Variants in PLXDC2 observed in about 807,000 individuals in gnomAD.
The protein encoded by PLXDC2 is plexin domain-containing protein 2.
A neutral mutation model predicts 68.9 loss-of-function variants in PLXDC2; 40 were observed. That is an observed-to-expected ratio of 0.58 (90% confidence interval 0.45 to 0.76). PLXDC2 has a LOEUF of 0.76. PLXDC2 is among the 30% of genes least tolerant of loss of function. The probability of loss-of-function intolerance (pLI) is 0.00; values close to 1 mark genes in which losing one functional copy is unlikely to be tolerated. For missense variants in PLXDC2, 644 were observed against 661.9 expected, an observed-to-expected ratio of 0.97 and a Z score of 0.30; for synonymous variants, 243 against 234.2, an observed-to-expected ratio of 1.04 and a Z score of -0.34.
chr10:19,884,988 A>G (rs998283243), intron 1 of PLXDC2, among the ~76,000 whole-genome samples: 8 of 152,080 alleles, frequency 5.3e-5, no homozygotes, highest in African/African-American at 1.9e-4. Context: ...AAGTGTTCCT[A>G]TTTCTCCACA....
intron 1 of PLXDC2, among the ~76,000 whole-genome samples, chr10:19,880,967 T>C (rs1468327075): frequency 3.9e-5 from 6 of 152,228 alleles, no homozygotes; most frequent in Non-Finnish European, 5.9e-5. Context: ...AATGTTATTT[T>C]CCAATTATTA....
chr10:20,194,691 T>C (rs1369662790), intron 9 of PLXDC2, among the ~76,000 whole-genome samples: 1 of 151,786 alleles, frequency 6.6e-6, no homozygotes, highest in Admixed American at 6.6e-5. Flanking sequence ...AACGTGCAGG[T>C]TTGTTACATA....
intron 1 of PLXDC2, among the ~76,000 whole-genome samples, chr10:19,861,697 A>T (rs1837321998): frequency 6.6e-6 from 1 of 152,062 alleles, no homozygotes; most frequent in African/African-American, 2.4e-5. Flanking sequence ...TCAAACCTCA[A>T]TTCAAATGTC....
chr10:20,253,163 G>C (rs1029715753), intron 13 of PLXDC2, among the ~76,000 whole-genome samples: 3 of 151,884 alleles, frequency 2.0e-5, no homozygotes, highest in African/African-American at 7.3e-5. Context: ...TCAGGAGTTT[G>C]AGACCAGCCT....
intron 1 of PLXDC2, among the ~76,000 whole-genome samples, chr10:19,854,800 ACATAGTCACCC>A (rs1186637492): frequency 2.0e-5 from 3 of 152,194 alleles, no homozygotes; most frequent in Non-Finnish European, 4.4e-5. Flanking sequence ...GGCAAATTTC[ACATAGTCACCC>A]CAGTCCTGAT....
intron 3 of PLXDC2, among the ~76,000 whole-genome samples, chr10:20,049,792 CA>C (rs1156889993): frequency 1.3e-5 from 2 of 152,002 alleles, no homozygotes; most frequent in Non-Finnish European, 2.9e-5. Flanking sequence ...CTGCCCAAAG[CA>C]ATTTACAGAT....
intron 1 of PLXDC2, among the ~76,000 whole-genome samples, chr10:19,910,730 G>T (rs955037773): frequency 6.6e-6 from 1 of 151,752 alleles, no homozygotes; most frequent in East Asian, 1.9e-4. Flanking sequence ...CCTAGTTCAG[G>T]CCGGGTGCAG....
intron 13 of PLXDC2, among the ~76,000 whole-genome samples, chr10:20,276,094 G>T (rs148635075): frequency 0.01 from 1,569 of 152,208 alleles, 26 homozygotes; most frequent in African/African-American, 0.035. Flanking sequence ...GAGGAAGACA[G>T]CCCCAAAATG....
chr10:20,221,100 C>T (rs1835205949), intron 12 of PLXDC2, among the ~76,000 whole-genome samples: 1 of 152,036 alleles, frequency 6.6e-6, no homozygotes, highest in African/African-American at 2.4e-5. Flanking sequence ...GTCTCGACCT[C>T]CCAAAGTGCT....
At chr10:20,055,272 T>C (rs1835977350) in intron 3 of PLXDC2, among the ~76,000 whole-genome samples, 1 of 152,138 alleles carries the variant, frequency 6.6e-6, no homozygotes, top group Non-Finnish European at 1.5e-5. Flanking sequence ...GGTTCTTTTG[T>C]TCCCTTCAGG....
intron 9 of PLXDC2, among the ~76,000 whole-genome samples, chr10:20,190,598 A>AATATATAT (rs67612054): frequency 7.5e-4 from 111 of 148,522 alleles, no homozygotes; most frequent in African/African-American, 2.6e-3. Context: ...AAGTGTAATA[A>AATATATAT]ATATATATAT....
intron 1 of PLXDC2, among the ~76,000 whole-genome samples, chr10:19,906,807 A>G (rs1833170067): frequency 6.6e-6 from 1 of 152,172 alleles, no homozygotes; most frequent in South Asian, 2.1e-4. Flanking sequence ...AGATTTTCAC[A>G]TATAAAATGA....
chr10:19,999,637 A>T lies in PLXDC2; in HGVS notation c.113-2138A>T, dbSNP rs565459904. 2.6e-5 allele frequency among the ~76,000 whole-genome samples: 4 copies of T among 152,246 alleles called. No homozygotes were observed. The East Asian group carries it at 7.7e-4, about 29-fold the overall frequency. Reference sequence around the variant, plus strand: ...TATGTCAGGGGTGTAACTTGCTAAGAGCTACTATAGCAAGTGCAAGGAAAA... The same window carrying T: ...TATGTCAGGGGTGTAACTTGCTAAGTGCTACTATAGCAAGTGCAAGGAAAA... On this transcript the variant is annotated intron_variant, in intron 1 of 13. Transcript: ENST00000377252.
At chr10:19,916,320 AT>A (rs1237385731) in intron 1 of PLXDC2, among the ~76,000 whole-genome samples, 6 of 144,162 alleles carry the variant, frequency 4.2e-5, no homozygotes, top group Non-Finnish European at 6.1e-5. Context: ...TCATTTTTGT[AT>A]TTTTTTTAGT....
chr10:19,822,617 A>G (rs1353059282), intron 1 of PLXDC2, among the ~76,000 whole-genome samples: 1 of 152,156 alleles, frequency 6.6e-6, no homozygotes, highest in East Asian at 1.9e-4. Context: ...CCTTTTCTCC[A>G]CATCCTCACC....
chr10:19,839,838 T>A (rs1304490776), intron 1 of PLXDC2, among the ~76,000 whole-genome samples: 1 of 152,204 alleles, frequency 6.6e-6, no homozygotes, highest in African/African-American at 2.4e-5. Context: ...TAAGGTTACA[T>A]ATGTATTAAC....
intron 4 of PLXDC2, among the ~76,000 whole-genome samples, chr10:20,080,920 C>G (rs529878241): frequency 1.3e-5 from 2 of 152,176 alleles, no homozygotes; most frequent in Non-Finnish European, 2.9e-5. Flanking sequence ...TTCCACAAAG[C>G]TAGAATTTCA....
intron 3 of PLXDC2, among the ~76,000 whole-genome samples, chr10:20,059,559 G>A (rs1160427018): frequency 6.6e-6 from 1 of 152,154 alleles, no homozygotes; most frequent in African/African-American, 2.4e-5. Flanking sequence ...TATGAAAAAA[G>A]TGCTGAAGAG....
chr10:19,831,384 T>C (rs779581219), intron 1 of PLXDC2, among the ~76,000 whole-genome samples: 5 of 152,320 alleles, frequency 3.3e-5, no homozygotes, highest in Non-Finnish European at 7.3e-5. Flanking sequence ...TAGATGAACT[T>C]TCTAGGCAGT....
Sources: gnomAD v4.1 joint callset for allele counts (sites outside exome capture counted in the v4.1 genomes callset) on GRCh38, gnomAD v4.1.1 for gene constraint, MANE v1.5 for transcripts, NCBI Gene and HGNC (gene_info 2026-07-23, HGNC 2026-07-21) for gene names.